The following SCUBE1 variants were observed in gnomAD, a reference collection of about 807,000 sequenced individuals.
The protein encoded by SCUBE1 is signal peptide, CUB and EGF-like domain-containing protein 1.
A neutral mutation model predicts 124.4 loss-of-function variants in SCUBE1; 59 were observed. The ratio of observed to expected loss-of-function variants is 0.47; its 90% CI spans 0.38 to 0.59. SCUBE1 has a LOEUF of 0.59. SCUBE1 is among the 20% of genes least tolerant of loss of function. The pLI, the probability that SCUBE1 is intolerant of heterozygous loss-of-function variation, is 0.00. For missense variants in SCUBE1, 1,150 were observed against 1,371.2 expected (o/e 0.84, Z 2.55); for synonymous variants, 545 against 550.9 (o/e 0.99, Z 0.15).
intron 2 of SCUBE1, among the ~76,000 whole-genome samples, chr22:43,329,669 G>T (rs1010050671): frequency 6.6e-6 from 1 of 152,182 alleles, no homozygotes; most frequent in Non-Finnish European, 1.5e-5. Context: ...CAGCTGGCTG[G>T]GGTTTTACAC....
intron 3 of SCUBE1, among the ~76,000 whole-genome samples, chr22:43,316,297 C>T (rs1926345102): frequency 6.6e-6 from 1 of 152,182 alleles, no homozygotes; most frequent in South Asian, 2.1e-4. Context: ...GAATTTAAGC[C>T]ACAAACTGGC....
intron 3 of SCUBE1, among the ~76,000 whole-genome samples, chr22:43,314,985 C>T (rs1222296280): frequency 6.6e-6 from 1 of 152,018 alleles, no homozygotes; most frequent in East Asian, 1.9e-4. Context: ...GGCTGGGTAA[C>T]TGTGGCTGAG....
rs776220324 is a variant in SCUBE1 at position 43,255,688 on chromosome 22, C to T, written c.727+2531G>A. 1.7e-5 allele frequency: 15 copies of T among 900,732 alleles called. No homozygotes were observed. The highest frequency in any genetic ancestry group is 5.3e-5 in the East Asian group (2 of 37,770). 55.8% of individuals were successfully genotyped at this position (900,732 alleles called of 1,614,324 possible). A position where few individuals can be genotyped will look rare whatever the true frequency, so the allele number is the denominator to read the frequency against. On this transcript the variant is annotated intron_variant, in intron 6 of 21. Transcript: ENST00000360835. The surrounding 1 kb of genome is among the most constrained non-coding windows in gnomAD (Gnocchi z 4.7). ...TGGCGCACGCAAAGCCAACACAACACGCCGGCCAGCTCGGCATCCTCGCCA... is the reference window on the plus strand; with the variant it reads ...TGGCGCACGCAAAGCCAACACAACATGCCGGCCAGCTCGGCATCCTCGCCA...
At chr22:43,240,120 G>A (rs540823323) in intron 6 of SCUBE1, among the ~76,000 whole-genome samples, 7 of 152,252 alleles carry the variant, frequency 4.6e-5, no homozygotes, top group East Asian at 1.9e-4. Flanking sequence ...GTGTGTGTGC[G>A]TGTGCATCTG....
chr22:43,199,254 T>C lies in SCUBE1; in HGVS notation c.*4743A>G, dbSNP rs1396426230. The stretch of plus-strand genomic sequence containing the variant: ...GGTGGTGGAGGCACCGGAATAATAT[T>C]CAACTCCAAAAATGTAAATTAAGCA... On this transcript the variant is annotated 3_prime_UTR_variant, in exon 22 of 22. Transcript: ENST00000360835. 5.7e-6 allele frequency: 1 copy of C among 174,706 alleles called. No individual in the cohort carries two copies. The highest frequency in any genetic ancestry group is 1.2e-5 in the Non-Finnish European group (1 of 83,314). 10.8% of individuals were successfully genotyped at this position (174,706 alleles called of 1,614,324 possible). A position where few individuals can be genotyped will look rare whatever the true frequency, so the allele number is the denominator to read the frequency against.
At chr22:43,317,653 GA>G (rs1189609281) in intron 3 of SCUBE1, among the ~76,000 whole-genome samples, 4 of 152,250 alleles carry the variant, frequency 2.6e-5, no homozygotes, top group African/African-American at 9.6e-5. Flanking sequence ...GGGCCTTGGG[GA>G]CAGACACGTC....
At chr22:43,227,237 G>GA in intron 10 of SCUBE1, 137 bp downstream of exon 10, 1 of 1,039,694 alleles carries the variant, frequency 9.6e-7, no homozygotes, top group Non-Finnish European at 1.4e-6. Flanking sequence ...CAACAGCAGA[G>GA]AACCTCTGCC....
At chr22:43,214,046 CGCCCACCCCCCA>C in intron 16 of SCUBE1, 32 bp downstream of exon 16, 4 of 422,700 alleles carry the variant, frequency 9.5e-6, no homozygotes, top group Admixed American at 8.7e-5. Context: ...GAGGAGCCCC[CGCCCACCCCCCA>C]CCCCCACCTC....
rs1923602463 is a variant in SCUBE1 at position 43,255,034 on chromosome 22, T to C, written c.727+3185A>G. Among the ~76,000 whole-genome samples, 1 of 152,212 alleles carries C rather than the reference T, an allele frequency of 6.6e-6. No individual in the cohort carries two copies. The highest frequency in any genetic ancestry group is 6.5e-5 in the Admixed American group (1 of 15,286). ...GAGATGGGTAAGGACTCTCCTGCCC[T>C]GACCCGTCTACTCAAATGCCCTCTT... On this transcript the variant is annotated intron_variant, in intron 6 of 21. Transcript: ENST00000360835. The surrounding 1 kb of genome is among the most constrained non-coding windows in gnomAD (Gnocchi z 4.7).
chr22:43,221,613 C>T (rs1258050921), intron 12 of SCUBE1, among the ~76,000 whole-genome samples: 1 of 152,106 alleles, frequency 6.6e-6, no homozygotes, highest in East Asian at 1.9e-4. Context: ...TAGGAAAGAG[C>T]GTAGAACAGA....
At chr22:43,300,638 C>A (rs1217254341) in intron 3 of SCUBE1, among the ~76,000 whole-genome samples, 2 of 152,100 alleles carry the variant, frequency 1.3e-5, no homozygotes, top group Non-Finnish European at 2.9e-5. Flanking sequence ...TAGACCCTTA[C>A]CAGATATATG....
chr22:43,308,836 TAACA>T (rs112159880), intron 3 of SCUBE1, among the ~76,000 whole-genome samples: 2 of 152,226 alleles, frequency 1.3e-5, no homozygotes, highest in Non-Finnish European at 2.9e-5. Flanking sequence ...CAACTGATCC[TAACA>T]GACAGGGACC....
At chr22:43,214,046 C>CGGGGGGGG in intron 16 of SCUBE1, 44 bp downstream of exon 16, 2 of 422,702 alleles carry the variant, frequency 4.7e-6, no homozygotes, top group South Asian at 2.4e-5. Context: ...GAGGAGCCCC[C>CGGGGGGGG]GCCCACCCCC....
intron 2 of SCUBE1, among the ~76,000 whole-genome samples, chr22:43,324,908 T>C (rs543386604): frequency 6.7e-6 from 1 of 149,620 alleles, no homozygotes; most frequent in South Asian, 2.2e-4. Context: ...TGATCTGACT[T>C]GGAAGTAGGG....
intron 7 of SCUBE1, among the ~76,000 whole-genome samples, chr22:43,233,167 G>A (rs1922623519): frequency 6.6e-6 from 1 of 152,150 alleles, no homozygotes; most frequent in Admixed American, 6.5e-5. Context: ...GAGTTCCAGA[G>A]CAGCCTGGCC....
intron 3 of SCUBE1, among the ~76,000 whole-genome samples, chr22:43,293,794 C>T (rs189846330): frequency 6.6e-5 from 10 of 152,300 alleles, no homozygotes; most frequent in African/African-American, 4.8e-5. Context: ...ATTAAAGGTC[C>T]GACTGTAAAG....
intron 4 of SCUBE1, among the ~76,000 whole-genome samples, chr22:43,285,283 C>G (rs758265458): frequency 6.6e-6 from 1 of 152,172 alleles, no homozygotes; most frequent in Non-Finnish European, 1.5e-5. Context: ...AGTGCTGTCC[C>G]GACGCTCCTC....
intron 3 of SCUBE1, among the ~76,000 whole-genome samples, chr22:43,308,863 C>A (rs907687497): frequency 6.6e-6 from 1 of 152,258 alleles, no homozygotes; most frequent in African/African-American, 2.4e-5. Flanking sequence ...CCCCATTTCA[C>A]AGAGACCAAA....
chr22:43,262,748 G>T lies in SCUBE1; in HGVS notation c.582C>A (p.Asp194Glu), dbSNP rs147718822. The T allele has an allele frequency of 3.2e-5, 52 of 1,614,000 alleles. No individual in the cohort carries two copies. The African/African-American group carries it at 5.3e-4, about 17-fold the overall frequency. The change falls in exon 5 of 22, where the codon GAC becomes GAA. Residue 194 changes from aspartate to glutamate, a missense_variant. By Grantham distance (45) the Asp-to-Glu change is conservative (BLOSUM62 2). This residue lies in a region of SCUBE1 where 337 missense variants were observed against 482.1 expected (regional missense o/e 0.70). Transcript: ENST00000360835. ...GVACDCRPGF[D>E]LAQNQKDCTL... ...TGCAGTCCTTCTGGTTTTGGGCAAG[G>T]TCAAAGCCGGGCCTGCAGTCGCAGG...
Sources: allele counts gnomAD v4.1 joint callset (sites outside exome capture counted in the v4.1 genomes callset), GRCh38; gene constraint gnomAD v4.1.1; regional missense constraint gnomAD v4.1.1; non-coding constraint Gnocchi (gnomAD v3.1); transcripts MANE v1.5; gene names NCBI Gene and HGNC (gene_info 2026-07-23, HGNC 2026-07-21).